Variants in CORO2B observed in about 807,000 individuals in gnomAD.
CORO2B encodes coronin-2B.
In CORO2B, 26 loss-of-function variants were observed where a neutral mutation model predicts 58.8. The ratio of observed to expected loss-of-function variants is 0.44; its 90% CI spans 0.32 to 0.61. The LOEUF is 0.61. CORO2B is among the 20% of genes least tolerant of loss of function. The pLI is 0.04. For missense variants in CORO2B, 460 were observed against 645.1 expected, an observed-to-expected ratio of 0.71 and a Z score of 3.11; for synonymous variants, 242 against 253.8, an observed-to-expected ratio of 0.95 and a Z score of 0.44.
At chr15:68,633,996 C>T (rs1900945239) in intron 1 of CORO2B, among the ~76,000 whole-genome samples, 2 of 152,258 alleles carry the variant, frequency 1.3e-5, no homozygotes, top group South Asian at 2.1e-4. Context: ...TCCTGAGAGT[C>T]GGTCAGGGCA....
chr15:68,713,402 G>T (rs1379315409), intron 5 of CORO2B, among the ~76,000 whole-genome samples: 1 of 152,194 alleles, frequency 6.6e-6, no homozygotes, highest in South Asian at 2.1e-4. Context: ...GGCATCTGTG[G>T]AGCCATTGCT....
At chr15:68,554,260 G>T in the CORO2B span, among the ~76,000 whole-genome samples, 1 of 152,104 alleles carries the variant, frequency 6.6e-6, no homozygotes, top group African/African-American at 2.4e-5. Context: ...AGACTCACAG[G>T]TGCCCATTGT....
At chr15:68,559,747 C>T in the CORO2B span, 1 of 543,350 alleles carries the variant, frequency 1.8e-6, no homozygotes, top group Non-Finnish European at 2.3e-6. This position sits in a 1 kb window ranked among gnomAD's most constrained non-coding sequence, Gnocchi z 4.3. Flanking sequence ...CGCCCGAGAC[C>T]GCTCCACGTG....
At chr15:68,667,741 G>C (rs1205567698) in intron 2 of CORO2B, among the ~76,000 whole-genome samples, 1 of 152,182 alleles carries the variant, frequency 6.6e-6, no homozygotes, top group Non-Finnish European at 1.5e-5. Flanking sequence ...TGGGCGGGGG[G>C]ATGTGGAGGA....
chr15:68,564,050 A>G, the CORO2B span, among the ~76,000 whole-genome samples: 5 of 152,238 alleles, frequency 3.3e-5, no homozygotes, highest in African/African-American at 1.2e-4. Context: ...CCAAACAGAC[A>G]TCACAAGAAA....
At chr15:68,688,701 G>T (rs1031723411) in intron 2 of CORO2B, among the ~76,000 whole-genome samples, 1 of 152,126 alleles carries the variant, frequency 6.6e-6, no homozygotes, top group African/African-American at 2.4e-5. Flanking sequence ...TGGGTGTACT[G>T]TAATTTATTT....
chr15:68,586,681 G>C lies in CORO2B; in HGVS notation c.15+7404G>C, dbSNP rs569599983. 2.6e-5 allele frequency among the ~76,000 whole-genome samples: 4 copies of C among 152,306 alleles called. No homozygotes were observed. The South Asian group carries it at 8.3e-4, about 32-fold the overall frequency. ...AGTGAGGCAGGATGAGGCTGGTCCA[G>C]ACCCGGACCTCCGGATTCTGGCCTC... On this transcript the variant is annotated intron_variant, in intron 1 of 11. Coordinates refer to ENST00000261861, the MANE Select transcript of CORO2B (RefSeq NM_006091.5).
intron 1 of CORO2B, among the ~76,000 whole-genome samples, chr15:68,620,327 G>T (rs1900483139): frequency 6.6e-6 from 1 of 152,304 alleles, no homozygotes; most frequent in South Asian, 2.1e-4. Context: ...TTAAATGTTA[G>T]AAAGAGCCAA....
intron 1 of CORO2B, among the ~76,000 whole-genome samples, chr15:68,638,471 C>T (rs1351312392): frequency 2.6e-5 from 4 of 152,166 alleles, no homozygotes; most frequent in African/African-American, 9.7e-5. Context: ...AGTCCAAAGT[C>T]GTACAACTAA....
the CORO2B span, among the ~76,000 whole-genome samples, chr15:68,543,392 T>A: frequency 6.6e-6 from 1 of 152,166 alleles, no homozygotes; most frequent in Non-Finnish European, 1.5e-5. Flanking sequence ...ATAGTCACTA[T>A]CAGCATCATT....
chr15:68,579,474 G>T (rs941593053), intron 1 of CORO2B, among the ~76,000 whole-genome samples, 197 bp downstream of exon 1: 11 of 152,034 alleles, frequency 7.2e-5, no homozygotes, highest in Admixed American at 5.9e-4. Context: ...GGAGGATGCC[G>T]CTCTGGCAGC....
At chr15:68,543,653 A>G in the CORO2B span, among the ~76,000 whole-genome samples, 3 of 152,078 alleles carry the variant, frequency 2.0e-5, no homozygotes, top group African/African-American at 4.8e-5. Context: ...GCTTGCCTCC[A>G]AAGAAGGCTT....
intron 1 of CORO2B, chr15:68,631,976 T>C: frequency 1.0e-6 from 1 of 985,472 alleles, no homozygotes; most frequent in Non-Finnish European, 1.2e-6. Flanking sequence ...GGCTCTCTCT[T>C]GGTTGCTAGC....
intron 3 of CORO2B, 29 bp downstream of exon 3, chr15:68,695,285 GTGGGCTCAGGCCCCTCC>G (rs773643208): frequency 2.6e-6 from 4 of 1,553,852 alleles, no homozygotes; most frequent in Non-Finnish European, 3.6e-6. Flanking sequence ...CCGGAGGAGG[GTGGGCTCAGGCCCCTCC>G]CTGCTTCCTT....
At chr15:68,631,972 C>G (rs552916319) in intron 1 of CORO2B, 6 of 985,464 alleles carry the variant, frequency 6.1e-6, no homozygotes, top group Middle Eastern at 5.2e-4. Flanking sequence ...AGTGGGCTCT[C>G]TCTTGGTTGC....
intron 2 of CORO2B, among the ~76,000 whole-genome samples, chr15:68,677,608 C>T (rs1902630992): frequency 6.6e-6 from 1 of 152,170 alleles, no homozygotes. Flanking sequence ...TGGGAGCGGA[C>T]CTTCAAAACC....
chr15:68,573,278 A>G, the CORO2B span, among the ~76,000 whole-genome samples: 1 of 152,308 alleles, frequency 6.6e-6, no homozygotes, highest in Non-Finnish European at 1.5e-5. Flanking sequence ...CAAAGAGAGA[A>G]AGAGACTAGC....
At chr15:68,574,110 C>G (rs1287462782), upstream of CORO2B, among the ~76,000 whole-genome samples, 1 of 152,148 alleles carries the variant, frequency 6.6e-6, no homozygotes, top group Non-Finnish European at 1.5e-5. Flanking sequence ...TGTGCAAGAG[C>G]TGCTGGGGGA....
At chr15:68,595,174 C>T (rs1425321966) in intron 1 of CORO2B, among the ~76,000 whole-genome samples, 2 of 152,244 alleles carry the variant, frequency 1.3e-5, no homozygotes, top group Non-Finnish European at 2.9e-5. Context: ...GTGGCAGCCT[C>T]AGCTGTGACT....
Sources: gnomAD v4.1 joint callset for allele counts (sites outside exome capture counted in the v4.1 genomes callset) on GRCh38, gnomAD v4.1.1 for gene constraint, Gnocchi (gnomAD v3.1) non-coding constraint, MANE v1.5 for transcripts, NCBI Gene and HGNC (gene_info 2026-07-23, HGNC 2026-07-21) for gene names.